GDA: variants seen among roughly 807,000 people sequenced by gnomAD.
The protein encoded by GDA is guanine deaminase, also known as cytoplasmic PSD-95 interactor.
A neutral mutation model predicts 59.6 loss-of-function variants in GDA; 18 were observed. The ratio of observed to expected loss-of-function variants is 0.30; its 90% CI spans 0.21 to 0.45. The LOEUF (loss-of-function observed/expected upper bound fraction) is 0.45, where lower values mean the gene tolerates loss of function less well. Ranked by LOEUF, GDA falls within the 20% of genes least tolerant of loss-of-function variation. GDA has a pLI of 1.00. For missense variants in GDA, 427 were observed against 552.3 expected (o/e 0.77, Z 2.27); for synonymous variants, 201 against 201.1 (o/e 1.00, Z 0.00).
chr9:72,158,766 AAGAG>A (rs537378309), intron 1 of GDA, among the ~76,000 whole-genome samples: 74 of 152,226 alleles, frequency 4.9e-4, no homozygotes, highest in Non-Finnish European at 8.8e-4. Context: ...TTTTTGGAAA[AAGAG>A]AGATGAACTG....
chr9:72,180,456 C>T (rs1831050929), intron 1 of GDA, among the ~76,000 whole-genome samples: 1 of 152,096 alleles, frequency 6.6e-6, no homozygotes, highest in African/African-American at 2.4e-5. Flanking sequence ...GTATCTGATA[C>T]AGTCTATTGA....
chr9:72,240,736 A>T (rs1208207864), intron 10 of GDA, among the ~76,000 whole-genome samples: 1 of 152,168 alleles, frequency 6.6e-6, no homozygotes, highest in Non-Finnish European at 1.5e-5. Context: ...GATTGGAGTG[A>T]TGCTGCCACA....
intron 1 of GDA, among the ~76,000 whole-genome samples, chr9:72,167,677 G>A (rs1229929313): frequency 6.6e-6 from 1 of 152,164 alleles, no homozygotes; most frequent in African/African-American, 2.4e-5. Context: ...AAATGAACCT[G>A]GAAGATAATT....
rs1322178754 is a variant in GDA, at chr9:72,202,742, C to T, written c.384C>T (p.Val128=). ...CAGAAGAAGTATATACCAGAGTTGT[C>T]GTAAGTATCTTGTGTGTGAGTGTGG... ...DFAEEVYTRV[V]RRTLKNGTTT... Residue 128 remains valine (V), a splice_region_variant and synonymous_variant, in exon 3 of 14, where the codon GTC becomes GTT. Coordinates refer to ENST00000358399, the MANE Select transcript of GDA (RefSeq NM_004293.5). 9.3e-6 allele frequency: 15 copies of T among 1,605,920 alleles called. No homozygotes were observed. The African/African-American group carries it at 9.4e-5, about 10-fold the overall frequency.
intron 1 of GDA, among the ~76,000 whole-genome samples, chr9:72,154,918 T>G (rs927216895): frequency 6.6e-6 from 1 of 152,146 alleles, no homozygotes; most frequent in African/African-American, 2.4e-5. Context: ...GGAGATAAAT[T>G]GATGAACAAA....
At chr9:72,219,266 G>C (rs920102736) in intron 5 of GDA, among the ~76,000 whole-genome samples, 1 of 151,980 alleles carries the variant, frequency 6.6e-6, no homozygotes, top group African/African-American at 2.4e-5. Flanking sequence ...AGCTGGACGT[G>C]GTGGCGGGTG....
chr9:72,175,379 T>G (rs1371903154), intron 1 of GDA, among the ~76,000 whole-genome samples: 1 of 152,168 alleles, frequency 6.6e-6, no homozygotes, highest in African/African-American at 2.4e-5. Context: ...GTCAGAGGTT[T>G]CTGGATTGTG....
At chr9:72,204,168 A>G (rs17494172) in intron 3 of GDA, among the ~76,000 whole-genome samples, 9,216 of 152,252 alleles carry the variant, frequency 0.061, 400 homozygotes, top group Non-Finnish European at 0.09. Flanking sequence ...ATTCAGTGCA[A>G]TTGTGGATCT....
intron 10 of GDA, among the ~76,000 whole-genome samples, chr9:72,232,542 A>G (rs551541365): frequency 1.2e-4 from 18 of 152,336 alleles, no homozygotes; most frequent in African/African-American, 4.3e-4. Flanking sequence ...AAAAGCTTCA[A>G]GGGATAAGAA....
intron 1 of GDA, among the ~76,000 whole-genome samples, chr9:72,135,117 A>G (rs1006129381): frequency 6.6e-6 from 1 of 152,076 alleles, no homozygotes; most frequent in Non-Finnish European, 1.5e-5. Flanking sequence ...ACAGTTAGCT[A>G]TTTATTGGCG....
chr9:72,184,421 T>G (rs1019321184), intron 1 of GDA, among the ~76,000 whole-genome samples: 3 of 152,238 alleles, frequency 2.0e-5, no homozygotes, highest in Non-Finnish European at 4.4e-5. Flanking sequence ...ATAGTTTGCC[T>G]TTTCCAGAAT....
At chr9:72,200,364 CCTCCT>C in intron 2 of GDA, among the ~76,000 whole-genome samples, 1 of 150,984 alleles carries the variant, frequency 6.6e-6, no homozygotes, top group Middle Eastern at 3.4e-3. Flanking sequence ...CTTCTTCTTC[CCTCCT>C]CCTCTTCCTC....
At position 72,139,652 on chromosome 9, in the gene GDA, G is replaced by C. The variant is rs146557704; in HGVS notation, c.-100+24819G>C. On this transcript the variant is annotated intron_variant, in intron 1 of 13. Transcript: ENST00000545168. Reference sequence around the variant, plus strand: ...TTGCATGCAGTATAGGGAGACCCTCGCCTCTAATAAAAAAAAATGCTCCAT... The same window carrying C: ...TTGCATGCAGTATAGGGAGACCCTCCCCTCTAATAAAAAAAAATGCTCCAT... Among the ~76,000 whole-genome samples the C allele has an allele frequency of 3.4e-3, 503 of 146,920 alleles. 3 individuals carry two copies. Among genetic ancestry groups the C allele is most frequent in the African/African-American group, 0.013 (488 of 36,830 alleles).
intron 11 of GDA, among the ~76,000 whole-genome samples, chr9:72,242,518 A>C (rs1839730384): frequency 6.6e-6 from 1 of 152,224 alleles, no homozygotes. Flanking sequence ...TATTGGGTGT[A>C]GATTTATGAT....
At chr9:72,177,092 C>CT (rs58433062) in intron 1 of GDA, among the ~76,000 whole-genome samples, 1,521 of 67,286 alleles carry the variant, frequency 0.023, 14 homozygotes, top group African/African-American at 0.03. Flanking sequence ...TTATAAACTG[C>CT]TTTTTTTTTT....
At chr9:72,187,147 C>T (rs1461634802) in intron 1 of GDA, among the ~76,000 whole-genome samples, 1 of 152,202 alleles carries the variant, frequency 6.6e-6, no homozygotes, top group Non-Finnish European at 1.5e-5. Flanking sequence ...TCACTCTCAA[C>T]TTCTTTCCTA....
At chr9:72,254,314 C>G (rs917691217), downstream of GDA, among the ~76,000 whole-genome samples, 1 of 152,024 alleles carries the variant, frequency 6.6e-6, no homozygotes, top group Non-Finnish European at 1.5e-5. Context: ...ATAGTTGAAT[C>G]TAAATTTTGG....
In GDA at chr9:72,192,047, A is replaced by G. The variant is rs116384221; in HGVS notation, c.124-3453A>G. On this transcript the variant is annotated intron_variant, in intron 1 of 13. Transcript: ENST00000358399. Reference sequence around the variant, plus strand: ...TATTGGTATCTTTCTCTAGGTTTGGAATGTTCTTTATTATCCCTTTGAATA... The same window carrying G: ...TATTGGTATCTTTCTCTAGGTTTGGGATGTTCTTTATTATCCCTTTGAATA... 2.6e-3 allele frequency among the ~76,000 whole-genome samples: 390 copies of G among 151,886 alleles called. 2 individuals carry two copies. The highest frequency in any genetic ancestry group is 9.1e-3 in the African/African-American group (378 of 41,418).
intron 1 of GDA, among the ~76,000 whole-genome samples, chr9:72,176,547 C>T (rs1209816494): frequency 6.6e-6 from 1 of 152,148 alleles, no homozygotes; most frequent in East Asian, 1.9e-4. Flanking sequence ...GAATTAATTT[C>T]GGGTACAGCA....
Sources: allele counts gnomAD v4.1 joint callset (sites outside exome capture counted in the v4.1 genomes callset), GRCh38; gene constraint gnomAD v4.1.1; transcripts MANE v1.5; gene names NCBI Gene and HGNC (gene_info 2026-07-23, HGNC 2026-07-21).